The following KIAA0825 variants were observed in gnomAD, a reference collection of about 807,000 sequenced individuals.
KIAA0825 encodes KIAA0825, also known as uncharacterized protein KIAA0825.
A neutral mutation model predicts 147.6 loss-of-function variants in KIAA0825; 119 were observed. The ratio of observed to expected loss-of-function variants is 0.81; its 90% CI spans 0.69 to 0.94. The LOEUF (loss-of-function observed/expected upper bound fraction) is 0.94. KIAA0825 is among the 40% of genes least tolerant of loss of function. KIAA0825 has a pLI of 0.00. For missense variants in KIAA0825, 1,381 were observed against 1,472.7 expected, an observed-to-expected ratio of 0.94 and a Z score of 1.02; for synonymous variants, 470 against 518.1, an observed-to-expected ratio of 0.91 and a Z score of 1.26.
chr5:94,589,622 G>A (rs144638867), intron 1 of KIAA0825, among the ~76,000 whole-genome samples: 18 of 151,980 alleles, frequency 1.2e-4, no homozygotes, highest in South Asian at 6.2e-4. Flanking sequence ...TGTACATCTC[G>A]TTGTATTTAT....
intron 20 of KIAA0825, among the ~76,000 whole-genome samples, chr5:94,246,523 C>T (rs1176108460): frequency 1.3e-5 from 2 of 152,074 alleles, no homozygotes; most frequent in African/African-American, 2.4e-5. Flanking sequence ...AGAGAAGATT[C>T]CACAGGAATC....
intron 2 of KIAA0825, among the ~76,000 whole-genome samples, chr5:94,565,553 G>C (rs537944878): frequency 2.4e-4 from 37 of 151,678 alleles, no homozygotes; most frequent in Non-Finnish European, 4.3e-4. Flanking sequence ...TGTTGGCCAG[G>C]CTGGTCTCAA....
At chr5:94,390,861 G>A (rs929285885) in intron 18 of KIAA0825, among the ~76,000 whole-genome samples, 2 of 151,936 alleles carry the variant, frequency 1.3e-5, no homozygotes, top group Admixed American at 6.6e-5. Context: ...AAATATAAAC[G>A]CAATTAGATG....
intron 20 of KIAA0825, among the ~76,000 whole-genome samples, chr5:94,351,272 C>T (rs1433966285): frequency 6.6e-6 from 1 of 152,086 alleles, no homozygotes; most frequent in Non-Finnish European, 1.5e-5. Flanking sequence ...CTTCTATACA[C>T]CAGCAGTGAC....
intron 3 of KIAA0825, among the ~76,000 whole-genome samples, chr5:94,536,214 G>C (rs373080599): frequency 1.5e-3 from 228 of 152,128 alleles, no homozygotes; most frequent in Middle Eastern, 0.01. Context: ...CTCACGTAAA[G>C]CAGAAGGAAA....
chr5:94,360,176 C>T (rs1377046418), intron 20 of KIAA0825, among the ~76,000 whole-genome samples: 5 of 152,152 alleles, frequency 3.3e-5, no homozygotes, highest in Admixed American at 3.3e-4. Flanking sequence ...CATAGCCCCA[C>T]ACAGGGATGG....
chr5:94,246,673 T>C (rs1775633416), intron 20 of KIAA0825, among the ~76,000 whole-genome samples: 1 of 152,206 alleles, frequency 6.6e-6, no homozygotes, highest in Non-Finnish European at 1.5e-5. Context: ...ATAGAGCAGA[T>C]ATGAGTTATG....
intron 20 of KIAA0825, among the ~76,000 whole-genome samples, chr5:94,210,641 A>G (rs890928875): frequency 2.0e-5 from 3 of 152,216 alleles, no homozygotes; most frequent in Admixed American, 6.5e-5. Context: ...ACACCTTTCA[A>G]TGAACTAACT....
chr5:94,411,946 CAA>C (rs141919892), intron 15 of KIAA0825, among the ~76,000 whole-genome samples: 9 of 139,128 alleles, frequency 6.5e-5, no homozygotes, highest in South Asian at 2.3e-4. Context: ...GACTTCGTCT[CAA>C]AAAAAAAAAA....
chr5:94,391,456 G>GACTA, intron 18 of KIAA0825, 79 bp downstream of exon 18: 2 of 1,411,266 alleles, frequency 1.4e-6, no homozygotes, highest in Non-Finnish European at 2.0e-6. Flanking sequence ...TCACCTCCTT[G>GACTA]ACTAACCCTT....
At chr5:94,587,303 C>G (rs905693682) in intron 1 of KIAA0825, among the ~76,000 whole-genome samples, 4 of 152,186 alleles carry the variant, frequency 2.6e-5, no homozygotes, top group African/African-American at 4.8e-5. Flanking sequence ...CCCATTGTCT[C>G]AGCCTAAAAT....
At chr5:94,268,651 T>TTA (rs1414467737) in intron 20 of KIAA0825, among the ~76,000 whole-genome samples, 8 of 152,242 alleles carry the variant, frequency 5.3e-5, no homozygotes, top group African/African-American at 1.9e-4. Context: ...GAGAAAAGGA[T>TTA]TACTGGTCAT....
intron 20 of KIAA0825, among the ~76,000 whole-genome samples, chr5:94,191,825 C>G (rs944275107): frequency 2.0e-5 from 3 of 152,222 alleles, no homozygotes; most frequent in Admixed American, 6.5e-5. Flanking sequence ...ACTGTGGAAA[C>G]TTTACCTCCA....
At chr5:94,616,571 C>CAAATGTG (rs1203041937) in intron 1 of KIAA0825, among the ~76,000 whole-genome samples, 3 of 152,116 alleles carry the variant, frequency 2.0e-5, no homozygotes, top group African/African-American at 7.2e-5. Context: ...TACATGTATA[C>CAAATGTG]AAATGTGTGT....
rs1766690878 is a variant in KIAA0825, at chr5:94,152,891, T to A, written c.*1116A>T. On this transcript the variant is annotated 3_prime_UTR_variant, in exon 21 of 21. Coordinates refer to ENST00000682413, the MANE Select transcript of KIAA0825 (RefSeq NM_001145678.3). ...ATATATATATATATATATATATATATATATATATATATGGTTTCTCCCAGA... is the reference window on the plus strand; with the variant it reads ...ATATATATATATATATATATATATAAATATATATATATGGTTTCTCCCAGA... 1 of 37,776 alleles carries A rather than the reference T, an allele frequency of 2.6e-5. No homozygotes were observed. Among genetic ancestry groups the A allele is most frequent in the South Asian group, 1.5e-3 (1 of 652 alleles). The allele number at this position is 37,776 out of a possible 1,614,324, so 2.3% of individuals were successfully genotyped here.
At chr5:94,426,050 T>TTATTATTAC (rs1157096193) in intron 14 of KIAA0825, among the ~76,000 whole-genome samples, 1 of 150,492 alleles carries the variant, frequency 6.6e-6, no homozygotes, top group African/African-American at 2.4e-5. Context: ...ATTATTATTA[T>TTATTATTAC]TATAGAGAGA....
At chr5:94,298,966 A>G (rs1277790037) in intron 20 of KIAA0825, among the ~76,000 whole-genome samples, 3 of 152,164 alleles carry the variant, frequency 2.0e-5, no homozygotes, top group Non-Finnish European at 2.9e-5. Flanking sequence ...GTAACCCTCA[A>G]TTCGCACTGT....
chr5:94,403,501 C>G, intron 16 of KIAA0825, 68 bp downstream of exon 16: 2 of 1,178,520 alleles, frequency 1.7e-6, no homozygotes, highest in Non-Finnish European at 2.4e-6. Context: ...TAGAATTTTA[C>G]TTGATTACAT....
intron 20 of KIAA0825, among the ~76,000 whole-genome samples, chr5:94,292,950 C>T (rs934323980): frequency 3.3e-5 from 5 of 151,788 alleles, no homozygotes; most frequent in Admixed American, 6.6e-5. Context: ...GTGGGATCAG[C>T]GGTGATATTT....
Sources: gnomAD v4.1 joint callset for allele counts (sites outside exome capture counted in the v4.1 genomes callset) on GRCh38, gnomAD v4.1.1 for gene constraint, MANE v1.5 for transcripts, NCBI Gene and HGNC (gene_info 2026-07-23, HGNC 2026-07-21) for gene names.